AGAP1: variants seen among roughly 807,000 people sequenced by gnomAD.
AGAP1 encodes arf-GAP with GTPase, ANK repeat and PH domain-containing protein 1.
A neutral mutation model predicts 105.3 loss-of-function variants in AGAP1; 29 were observed. The observed-to-expected ratio is 0.28, with a 90% CI of 0.21 to 0.38. The LOEUF (loss-of-function observed/expected upper bound fraction) is 0.38. AGAP1 is among the 10% of genes least tolerant of loss of function. The probability of loss-of-function intolerance (pLI) is 1.00; values close to 1 mark genes in which losing one functional copy is unlikely to be tolerated. For missense variants in AGAP1, 998 were observed against 1,165.1 expected, an observed-to-expected ratio of 0.86 and a Z score of 2.09; for synonymous variants, 509 against 485.9, an observed-to-expected ratio of 1.05 and a Z score of -0.63.
chr2:236,032,803 G>A (rs2057265195), intron 13 of AGAP1, among the ~76,000 whole-genome samples: 1 of 152,094 alleles, frequency 6.6e-6, no homozygotes, highest in African/African-American at 2.4e-5. Flanking sequence ...AAGGTATGAG[G>A]GGACCAGGTA....
At position 236,042,772 on chromosome 2, in the gene AGAP1, C is replaced by T. The variant is rs746820497; in HGVS notation, c.1891+1931C>T. 1.3e-5 allele frequency among the ~76,000 whole-genome samples: 2 copies of T among 152,138 alleles called. No individual in the cohort carries two copies. Among genetic ancestry groups the T allele is most frequent in the African/African-American group, 2.4e-5 (1 of 41,430 alleles). ...TGGGCCAGTTTGTTCTGAGCAAGAC[C>T]ACCTGAGCAGATGGACAGGGACAAA... On this transcript the variant is annotated intron_variant, in intron 15 of 17. Transcript: ENST00000304032. The surrounding 1 kb of genome is among the most constrained non-coding windows in gnomAD (Gnocchi z 5.6).
At chr2:235,896,630 C>G (rs1371994651) in intron 10 of AGAP1, among the ~76,000 whole-genome samples, 1 of 152,212 alleles carries the variant, frequency 6.6e-6, no homozygotes, top group Non-Finnish European at 1.5e-5. Context: ...ATGACATGGT[C>G]ACATGGGCTC....
chr2:236,094,926 A>G (rs957776944), intron 16 of AGAP1, among the ~76,000 whole-genome samples: 17 of 141,798 alleles, frequency 1.2e-4, no homozygotes, highest in Non-Finnish European at 2.4e-4. Flanking sequence ...ATCTCTACAA[A>G]AAAAAAAAAA....
Position 236,040,934 on chromosome 2 carries a change from C to A in AGAP1, c.1891+93C>A. ...CGGGTTGCAGGGGACTCACATCTGT[C>A]CTGTTTGGCAGATAAGAGTTAACTG... On this transcript the variant is annotated intron_variant, in intron 15 of 17. Transcript: ENST00000304032. This position sits in a 1 kb window ranked among gnomAD's most constrained non-coding sequence, Gnocchi z 5.6. 1.6e-6 allele frequency: 2 copies of A among 1,282,470 alleles called. No homozygotes were observed. Among genetic ancestry groups the A allele is most frequent in the Non-Finnish European group, 2.2e-6 (2 of 898,970 alleles). The allele number at this position is 1,282,470 out of a possible 1,614,324, so 79.4% of individuals were successfully genotyped here. A position where few individuals can be genotyped will look rare whatever the true frequency, so the allele number is the denominator to read the frequency against.
intron 6 of AGAP1, among the ~76,000 whole-genome samples, chr2:235,763,207 A>C (rs1428682724): frequency 6.6e-6 from 1 of 152,100 alleles, no homozygotes; most frequent in Non-Finnish European, 1.5e-5. Context: ...AAAATCCGAA[A>C]TGTTTTGAGT....
intron 1 of AGAP1, among the ~76,000 whole-genome samples, chr2:235,669,158 T>A (rs1175338900): frequency 6.6e-6 from 1 of 152,102 alleles, no homozygotes; most frequent in Non-Finnish European, 1.5e-5. Context: ...TGGCCCTTCA[T>A]TGGGATGGCA....
Position 235,855,776 on chromosome 2 carries a change from G to A in AGAP1, c.1051-27569G>A, listed in dbSNP as rs561124354. On this transcript the variant is annotated intron_variant, in intron 9 of 17. Transcript: ENST00000304032. This position sits in a 1 kb window ranked among gnomAD's most constrained non-coding sequence, Gnocchi z 5.0. ...GGGTGACAGTGACAAGTGGGTGATTGGGGACACGTCCTTGAGGCTCATGCC... is the reference window on the plus strand; with the variant it reads ...GGGTGACAGTGACAAGTGGGTGATTAGGGACACGTCCTTGAGGCTCATGCC... 6.6e-6 allele frequency among the ~76,000 whole-genome samples: 1 copy of A among 152,274 alleles called. No individual in the cohort carries two copies. Among genetic ancestry groups the A allele is most frequent in the Non-Finnish European group, 1.5e-5 (1 of 68,036 alleles).
intron 1 of AGAP1, among the ~76,000 whole-genome samples, chr2:235,671,577 A>G (rs1173212892): frequency 6.6e-6 from 1 of 152,156 alleles, no homozygotes; most frequent in Non-Finnish European, 1.5e-5. Context: ...GGCCCTCGGT[A>G]TTGAGCTGGC....
intron 1 of AGAP1, among the ~76,000 whole-genome samples, chr2:235,595,413 A>G (rs900132257): frequency 3.3e-5 from 5 of 152,350 alleles, no homozygotes; most frequent in Middle Eastern, 3.4e-3. Context: ...GCTGAAGTCC[A>G]GAACTCAGCT....
In AGAP1 at chr2:235,889,453, G is replaced by A. The variant is rs1174516042; in HGVS notation, c.1155+6004G>A. Among the ~76,000 whole-genome samples, 1 of 152,136 alleles carries A rather than the reference G, an allele frequency of 6.6e-6. No homozygotes were observed. Among genetic ancestry groups the A allele is most frequent in the Non-Finnish European group, 1.5e-5 (1 of 68,040 alleles). On this transcript the variant is annotated intron_variant, in intron 10 of 17. Transcript: ENST00000304032. This position sits in a 1 kb window ranked among gnomAD's most constrained non-coding sequence, Gnocchi z 4.6. ...CAGAAGATCATGACAAGGGACTTCA[G>A]CTGGGTGGTGGCCCTGGGATGTCAC...
chr2:235,750,065 T>A lies in AGAP1; in HGVS notation c.539-289T>A, dbSNP rs2149709536. On this transcript the variant is annotated intron_variant, in intron 5 of 17. Transcript: ENST00000304032. This position sits in a 1 kb window ranked among gnomAD's most constrained non-coding sequence, Gnocchi z 5.3. ...TGTGTGTGTGGTTTTTCCTCCTTTC[T>A]AAAGTATGTATCCTCTAGACCCATA... 6.6e-6 allele frequency among the ~76,000 whole-genome samples: 1 copy of A among 152,344 alleles called. No homozygotes were observed. Among genetic ancestry groups the A allele is most frequent in the Middle Eastern group, 3.4e-3 (1 of 294 alleles).
intron 5 of AGAP1, among the ~76,000 whole-genome samples, chr2:235,748,783 G>GT (rs1953179326): frequency 6.6e-6 from 1 of 152,234 alleles, no homozygotes; most frequent in African/African-American, 2.4e-5. Context: ...TGGTCGCTCT[G>GT]TTGTATAACT....
At chr2:236,075,755 C>A (rs893518715) in intron 16 of AGAP1, among the ~76,000 whole-genome samples, 1 of 152,202 alleles carries the variant, frequency 6.6e-6, no homozygotes, top group African/African-American at 2.4e-5. Context: ...TCAAGAGGAG[C>A]CTTTGACAAA....
At chr2:235,856,828 C>CA (rs1312672765) in intron 9 of AGAP1, among the ~76,000 whole-genome samples, 2 of 152,274 alleles carry the variant, frequency 1.3e-5, no homozygotes, top group Non-Finnish European at 2.9e-5. Context: ...GCTTGACACT[C>CA]AGACCTGAAG....
chr2:235,603,987 G>A (rs1342092582), intron 1 of AGAP1, among the ~76,000 whole-genome samples: 1 of 152,098 alleles, frequency 6.6e-6, no homozygotes, highest in Middle Eastern at 3.2e-3. Context: ...GTTTCTTCCA[G>A]CATCCCCGAG....
intron 8 of AGAP1, among the ~76,000 whole-genome samples, chr2:235,800,704 GA>G (rs896703271): frequency 2.0e-5 from 3 of 152,216 alleles, no homozygotes; most frequent in Admixed American, 6.5e-5. Context: ...AACTTCTGGA[GA>G]AACTTTGGGC....
chr2:235,961,570 T>TGTCCAGGGTGGAGGTGTGCG lies in AGAP1; in HGVS notation c.1484-6890_1484-6871dup, dbSNP rs1287498687. Reference sequence around the variant, plus strand: ...GCTTTAAAGAAGGGCAGGAGTCAAATGTCCAGGGTGGAGGTGTGCGGCCAA... The same window carrying TGTCCAGGGTGGAGGTGTGCG: ...GCTTTAAAGAAGGGCAGGAGTCAAATGTCCAGGGTGGAGGTGTGCGGTCCAGGGTGGAGGTGTGCGGCCAA... On this transcript the variant is annotated intron_variant, in intron 12 of 17. Transcript: ENST00000304032. This position sits in a 1 kb window ranked among gnomAD's most constrained non-coding sequence, Gnocchi z 5.9. Among the ~76,000 whole-genome samples the TGTCCAGGGTGGAGGTGTGCG allele has an allele frequency of 6.6e-6, 1 of 152,134 alleles. No homozygotes were observed.
At position 235,962,271 on chromosome 2, in the gene AGAP1, G is replaced by T. The variant is rs1216038381; in HGVS notation, c.1484-6191G>T. Reference sequence around the variant, plus strand: ...CTGACCACACAGAGGAGGCCGGTGTGCATGGCACCACCCTCTCCCAGCCCT... The same window carrying T: ...CTGACCACACAGAGGAGGCCGGTGTTCATGGCACCACCCTCTCCCAGCCCT... On this transcript the variant is annotated intron_variant, in intron 12 of 17. Coordinates refer to ENST00000304032, the MANE Select transcript of AGAP1 (RefSeq NM_001037131.3). This position sits in a 1 kb window ranked among gnomAD's most constrained non-coding sequence, Gnocchi z 5.3. Among the ~76,000 whole-genome samples the T allele has an allele frequency of 2.6e-5, 4 of 152,124 alleles. No individual in the cohort carries two copies. The highest frequency in any genetic ancestry group is 9.7e-5 in the African/African-American group (4 of 41,442).
Position 235,799,057 on chromosome 2 carries a change from T to G in AGAP1, c.802-310T>G, listed in dbSNP as rs10164419. Among the ~76,000 whole-genome samples, 381 of 152,262 alleles carry G rather than the reference T, an allele frequency of 2.5e-3. 1 individual carries two copies. Among genetic ancestry groups the G allele is most frequent in the African/African-American group, 8.9e-3 (370 of 41,542 alleles). On this transcript the variant is annotated intron_variant, in intron 7 of 17. Transcript: ENST00000304032. This position sits in a 1 kb window ranked among gnomAD's most constrained non-coding sequence, Gnocchi z 5.0. The stretch of plus-strand genomic sequence containing the variant: ...CCTTTAGTTTAACCAACCCCTTTCA[T>G]TTTCAGAGGAAAGAGAAAATAATCA...
Sources: gnomAD v4.1 joint callset for allele counts (sites outside exome capture counted in the v4.1 genomes callset) on GRCh38, gnomAD v4.1.1 for gene constraint, Gnocchi (gnomAD v3.1) non-coding constraint, MANE v1.5 for transcripts, NCBI Gene and HGNC (gene_info 2026-07-23, HGNC 2026-07-21) for gene names.